Variants in ELMO1 observed in about 807,000 individuals in gnomAD.
The protein encoded by ELMO1 is engulfment and cell motility protein 1.
ELMO1 carries 26 observed loss-of-function variants against 98.9 expected under a neutral mutation model. The ratio of observed to expected loss-of-function variants is 0.26; its 90% CI spans 0.19 to 0.36. ELMO1 has a LOEUF of 0.36. Among genes scored for constraint, ELMO1 ranks in the 10% least tolerant of loss-of-function variants. The pLI, the probability that ELMO1 is intolerant of heterozygous loss-of-function variation, is 1.00. For missense variants in ELMO1, 627 were observed against 935.2 expected (o/e 0.67, Z 4.30); for synonymous variants, 346 against 346.0 (o/e 1.00, Z 0.00).
intron 2 of ELMO1, among the ~76,000 whole-genome samples, chr7:37,331,355 T>TTTTTTTTTTC (rs1479168474): frequency 7.6e-5 from 8 of 105,668 alleles, no homozygotes; most frequent in African/African-American, 2.9e-4. Flanking sequence ...TTTTTTTTTT[T>TTTTTTTTTTC]GGAATTTTAG....
intron 16 of ELMO1, among the ~76,000 whole-genome samples, chr7:36,997,352 A>G (rs951908953): frequency 2.0e-5 from 3 of 152,322 alleles, no homozygotes; most frequent in South Asian, 2.1e-4. Context: ...ACAAAAGCCA[A>G]TTGATTTTTC....
intron 13 of ELMO1, among the ~76,000 whole-genome samples, chr7:37,159,069 C>T (rs1789004714): frequency 6.6e-6 from 1 of 152,156 alleles, no homozygotes; most frequent in South Asian, 2.1e-4. Flanking sequence ...AAACCTAACA[C>T]CACATGTTCC....
intron 16 of ELMO1, among the ~76,000 whole-genome samples, chr7:36,997,139 C>A (rs1485604647): frequency 1.3e-5 from 2 of 151,784 alleles, no homozygotes; most frequent in Non-Finnish European, 2.9e-5. Flanking sequence ...GGCGGGAAGG[C>A]AGGATACAGA....
chr7:37,350,860 C>T (rs2724017), intron 1 of ELMO1, among the ~76,000 whole-genome samples: 140,413 of 152,214 alleles, frequency 0.92, 64,949 homozygotes, highest in Non-Finnish European at 0.96. Context: ...GGGGAGACCA[C>T]CTAAGAACAC....
At chr7:36,929,059 G>T (rs1785813297) in intron 16 of ELMO1, among the ~76,000 whole-genome samples, 1 of 152,194 alleles carries the variant, frequency 6.6e-6, no homozygotes, top group Non-Finnish European at 1.5e-5. Flanking sequence ...GTTGAGAGAG[G>T]TTAAGAGTTT....
At chr7:37,185,712 T>C (rs967327435) in intron 13 of ELMO1, among the ~76,000 whole-genome samples, 1 of 152,156 alleles carries the variant, frequency 6.6e-6, no homozygotes, top group African/African-American at 2.4e-5. Context: ...CTACTTATAA[T>C]AGCATACAAA....
At chr7:37,079,049 ACTAT>A (rs1306856544) in intron 15 of ELMO1, among the ~76,000 whole-genome samples, 1 of 152,190 alleles carries the variant, frequency 6.6e-6, no homozygotes, top group East Asian at 1.9e-4. Flanking sequence ...AAAAGTGTGC[ACTAT>A]CTAATTCAGA....
intron 15 of ELMO1, among the ~76,000 whole-genome samples, chr7:37,063,691 T>A (rs1006635608): frequency 1.3e-5 from 2 of 152,278 alleles, no homozygotes; most frequent in Admixed American, 1.3e-4. Context: ...TCATCTCCAA[T>A]GACCCTTCAC....
rs773496750 is a variant in ELMO1, at chr7:37,225,074, G to A, written c.550-44C>T. ...CACAATTGACTGCTCGTGGTAAGTAGAGCAGAGACGTGGAGAAGGGAACAA... is the reference window on the plus strand; with the variant it reads ...CACAATTGACTGCTCGTGGTAAGTAAAGCAGAGACGTGGAGAAGGGAACAA... On this transcript the variant is annotated intron_variant, in intron 8 of 21. Coordinates refer to ENST00000310758, the MANE Select transcript of ELMO1 (RefSeq NM_014800.11). 5 of 1,610,266 alleles carry A rather than the reference G, an allele frequency of 3.1e-6. No homozygotes were observed. In the South Asian group the frequency reaches 3.3e-5, roughly 11 times the overall value.
chr7:37,101,451 G>T (rs773843334), intron 14 of ELMO1, among the ~76,000 whole-genome samples: 23 of 152,188 alleles, frequency 1.5e-4, no homozygotes, highest in Non-Finnish European at 3.4e-4. Context: ...CGAAGAAGGG[G>T]CTACATTCTC....
intron 15 of ELMO1, among the ~76,000 whole-genome samples, chr7:37,080,530 C>T (rs1009420806): frequency 2.0e-5 from 3 of 150,778 alleles, no homozygotes; most frequent in African/African-American, 7.3e-5. Context: ...CTCTGCCTCC[C>T]GAATTCAAGC....
chr7:37,338,839 T>G (rs1800567211), intron 2 of ELMO1, among the ~76,000 whole-genome samples: 2 of 152,190 alleles, frequency 1.3e-5, no homozygotes, highest in Non-Finnish European at 2.9e-5. Context: ...TTTTGAGACC[T>G]TCCTGTGATA....
chr7:36,892,403 G>A (rs375704855), intron 17 of ELMO1, among the ~76,000 whole-genome samples: 1 of 152,068 alleles, frequency 6.6e-6, no homozygotes, highest in East Asian at 1.9e-4. Flanking sequence ...TGCTCTTCCT[G>A]TAACTAAGCA....
At chr7:37,205,015 C>T (rs547003782) in intron 13 of ELMO1, among the ~76,000 whole-genome samples, 10 of 152,320 alleles carry the variant, frequency 6.6e-5, no homozygotes, top group Middle Eastern at 3.4e-3. Context: ...CTGATTGGTG[C>T]GTTTACAATC....
intron 15 of ELMO1, among the ~76,000 whole-genome samples, chr7:37,061,523 C>T (rs868764794): frequency 2.6e-5 from 4 of 152,110 alleles, no homozygotes; most frequent in Admixed American, 6.5e-5. Context: ...TCCTTTTTTC[C>T]GTCCACAATG....
chr7:37,059,919 G>A (rs747214885), intron 15 of ELMO1, among the ~76,000 whole-genome samples: 4 of 152,210 alleles, frequency 2.6e-5, no homozygotes, highest in Admixed American at 6.5e-5. Flanking sequence ...ACCTGTTGGC[G>A]TTTATTTCTG....
chr7:37,416,498 G>A (rs1274858974), intron 1 of ELMO1, among the ~76,000 whole-genome samples: 3 of 152,166 alleles, frequency 2.0e-5, no homozygotes, highest in East Asian at 3.8e-4. Context: ...AGAGGAGCAG[G>A]CTTGTCCATG....
chr7:37,162,963 T>C (rs534606179), intron 13 of ELMO1, among the ~76,000 whole-genome samples: 41 of 152,316 alleles, frequency 2.7e-4, no homozygotes, highest in African/African-American at 8.4e-4. Context: ...AAATAATCCT[T>C]GTTCAGGTTT....
intron 15 of ELMO1, among the ~76,000 whole-genome samples, chr7:37,095,911 G>A (rs1324605644): frequency 2.0e-5 from 3 of 152,184 alleles, no homozygotes; most frequent in Non-Finnish European, 4.4e-5. Context: ...CTAGATGTTG[G>A]ATGGAATGGA....
Sources: gnomAD v4.1 joint callset for allele counts (sites outside exome capture counted in the v4.1 genomes callset) on GRCh38, gnomAD v4.1.1 for gene constraint, MANE v1.5 for transcripts, NCBI Gene and HGNC (gene_info 2026-07-23, HGNC 2026-07-21) for gene names.